SPPL2B: variants seen among roughly 807,000 people sequenced by gnomAD.
SPPL2B encodes the protein signal peptide peptidase like 2B.
Under a neutral mutation model 59.7 loss-of-function variants are expected in SPPL2B, and 39 were observed. The ratio of observed to expected loss-of-function variants is 0.65; its 90% CI spans 0.51 to 0.85. The LOEUF is 0.85. Among genes scored for constraint, SPPL2B ranks in the 40% least tolerant of loss-of-function variants. The pLI, the probability that SPPL2B is intolerant of heterozygous loss-of-function variation, is 0.00. For missense variants in SPPL2B, 865 were observed against 849.0 expected, an observed-to-expected ratio of 1.02 and a Z score of -0.23; for synonymous variants, 419 against 370.8, an observed-to-expected ratio of 1.13 and a Z score of -1.49.
Position 2,339,123 on chromosome 19 carries a change from G to T in SPPL2B, c.514G>T (p.Asp172Tyr), listed in dbSNP as rs754920039. 1 of 1,586,342 alleles carries T rather than the reference G, an allele frequency of 6.3e-7. No individual in the cohort carries two copies. Among genetic ancestry groups the T allele is most frequent in the Non-Finnish European group, 8.6e-7 (1 of 1,166,562 alleles). Residue 172 changes from aspartate (D) to tyrosine (Y), a missense_variant, in exon 5 of 15, where the codon GAC becomes TAC. Asp to Tyr is a radical substitution (Grantham distance 160, BLOSUM62 -3). Coordinates refer to ENST00000613503, the MANE Select transcript of SPPL2B (RefSeq NM_152988.3). ...ALYAPKEPVLDYNMVIIFIMA... is the reference protein window; with the variant it reads ...ALYAPKEPVLYYNMVIIFIMA... ...GTATGCGCCTAAGGAGCCGGTGCTG[G>T]ACTACAACATGGTCATCATCTTCAT...
In SPPL2B at chr19:2,338,538, C is replaced by T. The variant is rs1298842580; in HGVS notation, c.370-214C>T. The T allele has an allele frequency of 5.8e-6, 3 of 518,178 alleles. No individual in the cohort carries two copies. In the Admixed American group the frequency reaches 1.0e-4, roughly 18 times the overall value. 32.1% of individuals were successfully genotyped at this position (518,178 alleles called of 1,614,324 possible). On this transcript the variant is annotated intron_variant, in intron 3 of 14. Coordinates refer to ENST00000613503, the MANE Select transcript of SPPL2B (RefSeq NM_152988.3). ...GCTTTTAGGCCTGGGGCCCTGTTGT[C>T]AGGTGAAGAAGGCTTGATGCCCTTC... is the stretch of plus-strand genomic sequence containing the variant.
intron 12 of SPPL2B, 41 bp downstream of exon 12, chr19:2,344,693 C>A: frequency 7.3e-7 from 1 of 1,360,588 alleles, no homozygotes; most frequent in Non-Finnish European, 1.0e-6. Context: ...CGCTGTGGGG[C>A]AGGGCCCCGG....
At chr19:2,334,769 C>G in intron 2 of SPPL2B, 48 bp downstream of exon 2, 6 of 1,476,758 alleles carry the variant, frequency 4.1e-6, no homozygotes, top group Non-Finnish European at 5.4e-6. Context: ...ATGCGGGGGC[C>G]CCGGGGCTCT....
chr19:2,351,314 C>A, intron 13 of SPPL2B, 120 bp from the exon 14 acceptor site: 1 of 776,614 alleles, frequency 1.3e-6, no homozygotes, highest in Non-Finnish European at 2.1e-6. Context: ...CCCACTGTAC[C>A]TCTCCCGTCC....
At chr19:2,352,065 T>C (rs1399502285) in intron 14 of SPPL2B, among the ~76,000 whole-genome samples, 1 of 152,152 alleles carries the variant, frequency 6.6e-6, no homozygotes, top group African/African-American at 2.4e-5. Context: ...GGAAGCCCTG[T>C]CCCCTGTCCC....
At chr19:2,352,837 C>T (rs930215213) in intron 14 of SPPL2B, 109 bp from the exon 15 acceptor site, 7 of 1,255,672 alleles carry the variant, frequency 5.6e-6, no homozygotes, top group Non-Finnish European at 7.8e-6. Context: ...GATGGCGCCT[C>T]ATTTTGACCC....
intron 1 of SPPL2B, among the ~76,000 whole-genome samples, chr19:2,333,221 AGGG>A (rs1968380678): frequency 2.4e-5 from 1 of 41,892 alleles, no homozygotes; most frequent in Non-Finnish European, 3.8e-5. Context: ...GAGCAGGAGG[AGGG>A]TGGGGATGGC....
chr19:2,335,952 T>TG (rs1193225162), intron 2 of SPPL2B, among the ~76,000 whole-genome samples: 1 of 152,008 alleles, frequency 6.6e-6, no homozygotes, highest in Non-Finnish European at 1.5e-5. Context: ...TGTGTGCATG[T>TG]GCCTGAGTGT....
intron 13 of SPPL2B, among the ~76,000 whole-genome samples, chr19:2,350,708 C>T (rs1469246030): frequency 2.6e-5 from 4 of 152,260 alleles, no homozygotes; most frequent in East Asian, 1.9e-4. Context: ...TTGCCTGCGG[C>T]GACATCACGT....
Position 2,340,190 on chromosome 19 carries a change from G to A in SPPL2B, c.839+18G>A. 6.6e-7 allele frequency: 1 copy of A among 1,524,292 alleles called. No homozygotes were observed. Among genetic ancestry groups the A allele is most frequent in the Non-Finnish European group, 8.8e-7 (1 of 1,140,582 alleles). The allele number at this position is 1,524,292 out of a possible 1,614,324, so 94.4% of individuals were successfully genotyped here. A position where few individuals can be genotyped will look rare whatever the true frequency, so the allele number is the denominator to read the frequency against. On this transcript the variant is annotated intron_variant, in intron 7 of 14. Coordinates refer to ENST00000613503, the MANE Select transcript of SPPL2B (RefSeq NM_152988.3). ...AAGTGCAGGTGAGTCTGCCCTGCTG[G>A]CCCCGACGTGCCTGACTCTGTGCGG...
At position 2,345,454 on chromosome 19, in the gene SPPL2B, C is replaced by G. The variant is rs914898815; in HGVS notation, c.1354+124C>G. 1.8e-4 allele frequency: 145 copies of G among 814,892 alleles called. No homozygotes were observed. The South Asian group carries it at 2.2e-3, about 12-fold the overall frequency. The allele number at this position is 814,892 out of a possible 1,614,324, so 50.5% of individuals were successfully genotyped here. A position where few individuals can be genotyped will look rare whatever the true frequency, so the allele number is the denominator to read the frequency against. Reference sequence around the variant, plus strand: ...CTAACCCTAATTCCAACTCTAACACCGTAACCATAACACCCTAACCCTAAC... The same window carrying G: ...CTAACCCTAATTCCAACTCTAACACGGTAACCATAACACCCTAACCCTAAC... On this transcript the variant is annotated intron_variant, in intron 13 of 14. Coordinates refer to ENST00000613503, the MANE Select transcript of SPPL2B (RefSeq NM_152988.3).
intron 2 of SPPL2B, among the ~76,000 whole-genome samples, chr19:2,336,581 AGTGCACAGGTAT>A (rs1350115337): frequency 1.3e-5 from 2 of 149,684 alleles, no homozygotes; most frequent in Non-Finnish European, 3.0e-5. Flanking sequence ...CGTGAGCTTG[AGTGCACAGGTAT>A]GTGCTTGTAT....
intron 13 of SPPL2B, among the ~76,000 whole-genome samples, chr19:2,346,562 C>T (rs975764448): frequency 6.6e-6 from 1 of 152,118 alleles, no homozygotes; most frequent in African/African-American, 2.4e-5. Flanking sequence ...AGCTACTCTG[C>T]AGGCTGAGGT....
At chr19:2,345,874 C>T (rs1969340656) in intron 13 of SPPL2B, among the ~76,000 whole-genome samples, 1 of 150,804 alleles carries the variant, frequency 6.6e-6, no homozygotes, top group Non-Finnish European at 1.5e-5. Flanking sequence ...TGCCTCCGTC[C>T]CCGTCTTTCT....
intron 13 of SPPL2B, among the ~76,000 whole-genome samples, chr19:2,348,969 G>T (rs1307188127): frequency 7.6e-6 from 1 of 132,030 alleles, no homozygotes; most frequent in African/African-American, 3.1e-5. Context: ...TCATTCGCTT[G>T]ATTCCGTTCT....
At position 2,340,925 on chromosome 19, in the gene SPPL2B, C is replaced by T. The variant is rs1421757196; in HGVS notation, c.867C>T (p.Phe289=). The change falls in exon 8 of 15, where the codon TTC becomes TTT. Residue 289 remains phenylalanine, a synonymous_variant. Coordinates refer to ENST00000613503, the MANE Select transcript of SPPL2B (RefSeq NM_152988.3). ...TCCCCAACAACAGCCTGCCCTACTT[C>T]CACAAGCGCCCGCAGGCCCGTATGC... ...CRIPNNSLPY[F]HKRPQARMLL... is the part of the protein sequence containing the mutation. The T allele has an allele frequency of 1.9e-6, 3 of 1,599,572 alleles. No homozygotes were observed. The highest frequency in any genetic ancestry group is 2.2e-5 in the East Asian group (1 of 44,880).
chr19:2,339,026 C>G (rs538492060), intron 4 of SPPL2B, 43 bp from the exon 5 acceptor site: 1 of 1,533,208 alleles, frequency 6.5e-7, no homozygotes, highest in Admixed American at 2.0e-5. Context: ...CCATGGCTGG[C>G]GGGTGGCTCT....
At chr19:2,341,382 C>T (rs956136142) in intron 8 of SPPL2B, 1 of 481,894 alleles carries the variant, frequency 2.1e-6, no homozygotes, top group Admixed American at 2.3e-5. Flanking sequence ...GTTCGAGGCC[C>T]AGGGTGTGGG....
At chr19:2,339,301 T>C (rs1327824269) in intron 5 of SPPL2B, 93 bp downstream of exon 5, 2 of 1,438,690 alleles carry the variant, frequency 1.4e-6, no homozygotes, top group Non-Finnish European at 1.9e-6. Flanking sequence ...GTGAGTGCTT[T>C]GGCCTCGGCA....
Sources: gnomAD v4.1 joint callset for allele counts (sites outside exome capture counted in the v4.1 genomes callset) on GRCh38, gnomAD v4.1.1 for gene constraint, MANE v1.5 for transcripts, NCBI Gene and HGNC (gene_info 2026-07-23, HGNC 2026-07-21) for gene names.